The following CCDC57 variants were observed in gnomAD, a reference collection of about 807,000 sequenced individuals.
CCDC57 encodes the protein coiled-coil domain-containing protein 57.
CCDC57 carries 118 observed loss-of-function variants against 118.9 expected under a neutral mutation model. That is an observed-to-expected ratio of 0.99 (90% CI 0.86 to 1.16). The LOEUF (loss-of-function observed/expected upper bound fraction) is 1.16. Among genes scored for constraint, CCDC57 ranks in the 50% most tolerant of loss-of-function variants. The pLI is 0.00. For missense variants in CCDC57, 1,300 were observed against 1,320.7 expected (o/e 0.98, Z 0.24); for synonymous variants, 527 against 532.9 (o/e 0.99, Z 0.15).
intron 7 of CCDC57, among the ~76,000 whole-genome samples, chr17:82,193,071 G>A (rs908519968): frequency 6.6e-6 from 1 of 152,034 alleles, no homozygotes; most frequent in African/African-American, 2.4e-5. Flanking sequence ...GTTTTGTTTT[G>A]TTTTTGAGAC....
intron 6 of CCDC57, 73 bp from the exon 6 acceptor site, chr17:82,193,903 A>C: frequency 6.4e-7 from 1 of 1,571,200 alleles, no homozygotes; most frequent in African/African-American, 1.4e-5. Context: ...TGAGCAGAAA[A>C]GGTAGAATCC....
At chr17:82,182,662 A>T (rs901103220) in intron 9 of CCDC57, among the ~76,000 whole-genome samples, 1 of 149,598 alleles carries the variant, frequency 6.7e-6, no homozygotes, top group Admixed American at 6.7e-5. Context: ...CCCACCAAAC[A>T]TTTATTTATA....
intron 14 of CCDC57, among the ~76,000 whole-genome samples, chr17:82,159,501 GCAA>G (rs1241253006): frequency 7.9e-5 from 12 of 152,174 alleles, no homozygotes; most frequent in African/African-American, 2.4e-4. Context: ...CCTCTCCATT[GCAA>G]CAACAAGGAC....
chr17:82,189,967 G>A lies in CCDC57; in HGVS notation c.852-1548C>T, dbSNP rs563333070. On this transcript the variant is annotated intron_variant, in intron 7 of 19. Transcript: ENST00000665763. ...GGAGGTTGCAGTGAGCCGAGATTGC[G>A]CCACTGCACTCCAGCCTGGGTGATA... Among the ~76,000 whole-genome samples, 6 of 152,034 alleles carry A rather than the reference G, an allele frequency of 3.9e-5. 1 individual carries two copies. The South Asian group carries it at 1.2e-3, about 32-fold the overall frequency.
chr17:82,207,348 A>C (rs1023561433), intron 2 of CCDC57, among the ~76,000 whole-genome samples: 4 of 152,080 alleles, frequency 2.6e-5, no homozygotes, highest in African/African-American at 7.2e-5. Context: ...TAAAAAAAAA[A>C]AAACAAAAAA....
At chr17:82,205,823 A>G (rs2049556558) in intron 2 of CCDC57, among the ~76,000 whole-genome samples, 1 of 152,186 alleles carries the variant, frequency 6.6e-6, no homozygotes, top group East Asian at 1.9e-4. Flanking sequence ...TTTATCCATC[A>G]CACTCAGGAC....
Position 82,184,031 on chromosome 17 carries a change from G to GCGCGCGCA in CCDC57, c.1053-100_1053-99insTGCGCGCG. 290 of 131,850 alleles carry GCGCGCGCA rather than the reference G, an allele frequency of 2.2e-3. 2 individuals are homozygous for GCGCGCGCA. Among genetic ancestry groups the GCGCGCGCA allele is most frequent in the Non-Finnish European group, 3.0e-3 (202 of 67,650 alleles). 8.2% of individuals were successfully genotyped at this position (131,850 alleles called of 1,614,324 possible). ...CAAATACACATGCGCGCGCGCGCGC[G>GCGCGCGCA]CACACACACACACACACACACACAC... On this transcript the variant is annotated intron_variant, in intron 8 of 19. Coordinates refer to ENST00000665763, the Ensembl canonical transcript of CCDC57.
intron 19 of CCDC57, chr17:82,127,007 C>T: frequency 1.0e-6 from 1 of 985,398 alleles, no homozygotes; most frequent in African/African-American, 1.7e-5. Flanking sequence ...TGTTTCCCTC[C>T]CCCCTTCTCG....
rs1568458509 is a variant in CCDC57, at chr17:82,196,852, GTGACTCCTGCAGAGACGCAGCCCCTCA to G, written c.516+1435_516+1461del. Among the ~76,000 whole-genome samples the G allele has an allele frequency of 2.2e-3, 287 of 129,284 alleles. 1 individual carries two copies. The highest frequency in any genetic ancestry group is 8.1e-3 in the African/African-American group (266 of 32,842). 84.8% of individuals were successfully genotyped at this position (129,284 alleles called of 152,430 possible). ...TGCACCTGCAGAGACGCAGCCCCTC[GTGACTCCTGCAGAGACGCAGCCCCTCA>G]TGACTCCTGCACCTGCAGAGACGCA... is the stretch of plus-strand genomic sequence containing the variant. On this transcript the variant is annotated intron_variant, in intron 4 of 19. Coordinates refer to ENST00000665763, the Ensembl canonical transcript of CCDC57.
chr17:82,199,196 G>C (rs1191793528), intron 3 of CCDC57, among the ~76,000 whole-genome samples: 1 of 151,966 alleles, frequency 6.6e-6, no homozygotes, highest in Non-Finnish European at 1.5e-5. Context: ...AGCTATAGCA[G>C]GCTGGGTGTG....
chr17:82,137,716 C>T (rs1017576673), intron 16 of CCDC57, among the ~76,000 whole-genome samples: 2 of 150,966 alleles, frequency 1.3e-5, no homozygotes, highest in African/African-American at 4.9e-5. Flanking sequence ...GCTGTGTCGC[C>T]AGGCTGGAGT....
At chr17:82,180,992 G>A (rs1011702913) in intron 9 of CCDC57, among the ~76,000 whole-genome samples, 5 of 152,182 alleles carry the variant, frequency 3.3e-5, no homozygotes, top group African/African-American at 1.2e-4. Flanking sequence ...CTCGCCGCCC[G>A]GCTTCTCTCC....
At chr17:82,133,565 T>A (rs7502859) in intron 17 of CCDC57, among the ~76,000 whole-genome samples, 2 of 140,248 alleles carry the variant, frequency 1.4e-5, no homozygotes, top group Non-Finnish European at 3.1e-5. Context: ...AATGAAAAAA[T>A]AAAAAAAAAT....
intron 19 of CCDC57, among the ~76,000 whole-genome samples, chr17:82,125,289 G>GCA (rs1302870768): frequency 6.6e-6 from 1 of 152,154 alleles, no homozygotes; most frequent in Non-Finnish European, 1.5e-5. Flanking sequence ...TGCAGTCTCA[G>GCA]CACTTTGGGA....
intron 19 of CCDC57, among the ~76,000 whole-genome samples, chr17:82,115,094 C>T (rs1218829485): frequency 6.6e-6 from 1 of 152,234 alleles, no homozygotes; most frequent in Non-Finnish European, 1.5e-5. Context: ...TGGACTGGAT[C>T]CAGGGCTTGG....
exon 19 of CCDC57, chr17:82,127,835 T>C: frequency 6.2e-7 from 1 of 1,610,756 alleles, no homozygotes; most frequent in Non-Finnish European, 8.5e-7. Flanking sequence ...CTGGGGAGCC[T>C]GGGGTGGCTT....
chr17:82,194,088 C>G (rs2048008493), exon 6 of CCDC57: 1 of 1,613,928 alleles, frequency 6.2e-7, no homozygotes, highest in Non-Finnish European at 8.5e-7. Flanking sequence ...CTCTCTGCAG[C>G]CTTTGCCCCG....
chr17:82,170,450 A>G (rs34808815), intron 13 of CCDC57, among the ~76,000 whole-genome samples: 69,246 of 149,188 alleles, frequency 0.46, 16,919 homozygotes, highest in East Asian at 0.88. Context: ...AGAGGCTGCA[A>G]TGAGCCAAAA....
intron 1 of CCDC57, among the ~76,000 whole-genome samples, chr17:82,210,097 A>G (rs2050063092): frequency 6.6e-6 from 1 of 152,138 alleles, no homozygotes; most frequent in African/African-American, 2.4e-5. Context: ...AAGGACAGAG[A>G]GGCCAACTTG....
Sources: allele counts gnomAD v4.1 joint callset (sites outside exome capture counted in the v4.1 genomes callset), GRCh38; gene constraint gnomAD v4.1.1; transcripts MANE v1.5; gene names NCBI Gene and HGNC (gene_info 2026-07-23, HGNC 2026-07-21).